The following ECHDC1 variants were observed in gnomAD, a reference collection of about 807,000 sequenced individuals.
ECHDC1 encodes ethylmalonyl-CoA decarboxylase.
A neutral mutation model predicts 29.7 loss-of-function variants in ECHDC1; 29 were observed. The observed-to-expected ratio is 0.98, with a 90% CI of 0.73 to 1.33. The LOEUF (loss-of-function observed/expected upper bound fraction) is 1.33. ECHDC1 is among the 40% of genes most tolerant of loss of function. The probability of loss-of-function intolerance (pLI) is 0.00; values close to 1 mark genes in which losing one functional copy is unlikely to be tolerated. For synonymous variants in ECHDC1, 126 were observed against 123.1 expected (o/e 1.02, Z -0.15); for missense variants, 328 against 350.0 (o/e 0.94, Z 0.50).
At chr6:127,305,464 A>G (rs760063527) in intron 5 of ECHDC1, among the ~76,000 whole-genome samples, 6 of 152,330 alleles carry the variant, frequency 3.9e-5, no homozygotes, top group Non-Finnish European at 8.8e-5. Flanking sequence ...TCAATGAGCC[A>G]TAAGAAATCA....
In ECHDC1 at chr6:127,302,615, G is replaced by C. The variant is rs185638766; in HGVS notation, c.497+12201C>G. ...GGTTTTCACCAAGTTGGCCAGGCTG[G>C]TCTCGAACTCCTGACCTCAGGTGAT... On this transcript the variant is annotated intron_variant, in intron 5 of 5. Coordinates refer to ENST00000454859, the MANE Select transcript of ECHDC1 (RefSeq NM_001002030.2). Among the ~76,000 whole-genome samples, 1,133 of 152,070 alleles carry C rather than the reference G, an allele frequency of 7.5e-3. 19 individuals are homozygous for C. Among genetic ancestry groups the C allele is most frequent in the South Asian group, 0.054 (260 of 4,816 alleles).
At chr6:127,326,187 G>A (rs182329467) in intron 3 of ECHDC1, among the ~76,000 whole-genome samples, 129 of 152,192 alleles carry the variant, frequency 8.5e-4, no homozygotes, top group African/African-American at 2.9e-3. Context: ...TGGATCATCG[G>A]GGTGGATTTC....
At chr6:127,300,294 C>T (rs560493606) in intron 5 of ECHDC1, among the ~76,000 whole-genome samples, 43 of 152,188 alleles carry the variant, frequency 2.8e-4, no homozygotes, top group Non-Finnish European at 4.3e-4. Context: ...CAATTAAATT[C>T]CCTATGCCAA....
At position 127,333,391 on chromosome 6, in the gene ECHDC1, TTATC is replaced by T. The variant is rs1252705670; in HGVS notation, c.-2-2365_-2-2362del. Among the ~76,000 whole-genome samples, 6 of 152,272 alleles carry T rather than the reference TTATC, an allele frequency of 3.9e-5. No individual in the cohort carries two copies. The East Asian group carries it at 1.2e-3, about 29-fold the overall frequency. ...ACATATTATATAAATATACCACAAT[TTATC>T]TATTCTAATCTTAATAGACATTTGG... On this transcript the variant is annotated intron_variant, in intron 1 of 5. Transcript: ENST00000454859.
chr6:127,342,408 A>G (rs1458974660), intron 1 of ECHDC1: 7 of 1,542,716 alleles, frequency 4.5e-6, no homozygotes, highest in Admixed American at 2.0e-5. Flanking sequence ...CTGGAATGTT[A>G]ATCATTGCAG....
At chr6:127,292,654 T>C (rs1780293286) in intron 5 of ECHDC1, among the ~76,000 whole-genome samples, 1 of 152,032 alleles carries the variant, frequency 6.6e-6, no homozygotes, top group East Asian at 1.9e-4. Context: ...AGTTTAAATA[T>C]AAAATTTAAA....
intron 1 of ECHDC1, among the ~76,000 whole-genome samples, chr6:127,340,859 G>C (rs1028706605): frequency 2.5e-4 from 38 of 152,194 alleles, no homozygotes; most frequent in Middle Eastern, 3.4e-3. Flanking sequence ...TGGGAAAGTA[G>C]AATCAGTAAA....
chr6:127,330,023 G>A (rs374207761), intron 2 of ECHDC1: 12 of 288,902 alleles, frequency 4.2e-5, no homozygotes, highest in African/African-American at 2.0e-4. Context: ...GATTTTCTGA[G>A]CCTCAAATTT....
Position 127,314,020 on chromosome 6 carries a change from G to C in ECHDC1, c.497+796C>G, listed in dbSNP as rs540133474. On this transcript the variant is annotated intron_variant, in intron 5 of 5. Coordinates refer to ENST00000454859, the MANE Select transcript of ECHDC1 (RefSeq NM_001002030.2). ...AGTGTCAAACTGGGATTCAGCCTAG[G>C]TCTACTAGACGTCAGTGCTCAGGCT... Among the ~76,000 whole-genome samples the C allele has an allele frequency of 4.7e-4, 71 of 152,220 alleles. 1 individual carries two copies. In the South Asian group the frequency reaches 0.014, roughly 30 times the overall value.
chr6:127,305,847 ACT>A (rs1781396532), intron 5 of ECHDC1, among the ~76,000 whole-genome samples: 1 of 152,072 alleles, frequency 6.6e-6, no homozygotes, highest in African/African-American at 2.4e-5. Flanking sequence ...AAATCAAATC[ACT>A]GAGAACATCA....
rs765966800 is a variant in ECHDC1 at position 127,289,851 on chromosome 6, A to C, written c.*18T>G. 2 of 1,594,268 alleles carry C rather than the reference A, an allele frequency of 1.3e-6. No individual in the cohort carries two copies. The highest frequency in any genetic ancestry group is 1.7e-6 in the Non-Finnish European group (2 of 1,170,920). Reference sequence around the variant, plus strand: ...GTCACTGGAGCTTTACTTGGAGTACATCCACACGAAAAACCAATTATTTAT... The same window carrying C: ...GTCACTGGAGCTTTACTTGGAGTACCTCCACACGAAAAACCAATTATTTAT... On this transcript the variant is annotated 3_prime_UTR_variant, in exon 6 of 6. Coordinates refer to ENST00000454859, the MANE Select transcript of ECHDC1 (RefSeq NM_001002030.2).
chr6:127,289,639 G>A lies in ECHDC1; in HGVS notation c.*230C>T. 4.6e-6 allele frequency: 2 copies of A among 439,216 alleles called. No individual in the cohort carries two copies. Among genetic ancestry groups the A allele is most frequent in the Non-Finnish European group, 8.0e-6 (2 of 251,142 alleles). The allele number at this position is 439,216 out of a possible 1,614,324, so 27.2% of individuals were successfully genotyped here. The stretch of plus-strand genomic sequence containing the variant: ...TGGAATTGACAGCAATAATTTTTAA[G>A]CCAAAAGTGTATATTTTAGCTAAAT... On this transcript the variant is annotated 3_prime_UTR_variant, in exon 6 of 6. Transcript: ENST00000454859.
intron 1 of ECHDC1, among the ~76,000 whole-genome samples, chr6:127,332,601 G>A (rs1784061285): frequency 6.6e-6 from 1 of 152,076 alleles, no homozygotes; most frequent in Non-Finnish European, 1.5e-5. Context: ...GTGGATGTAG[G>A]GGAGTTCTTC....
chr6:127,323,641 T>G (rs777406653), intron 3 of ECHDC1, among the ~76,000 whole-genome samples: 5 of 152,150 alleles, frequency 3.3e-5, no homozygotes, highest in Non-Finnish European at 5.9e-5. Flanking sequence ...TGAAACCAGC[T>G]TTCAAATCCA....
At chr6:127,328,014 G>A (rs1484062342) in intron 2 of ECHDC1, among the ~76,000 whole-genome samples, 1 of 152,174 alleles carries the variant, frequency 6.6e-6, no homozygotes, top group African/African-American at 2.4e-5. Context: ...GGTTAAAACT[G>A]GCAAAAAATT....
intron 1 of ECHDC1, among the ~76,000 whole-genome samples, chr6:127,334,465 A>T (rs1171875877): frequency 6.6e-6 from 1 of 152,130 alleles, no homozygotes; most frequent in Admixed American, 6.6e-5. Flanking sequence ...TACAACAGTC[A>T]CCAGTTAGTA....
chr6:127,309,520 C>T (rs1781720253), intron 5 of ECHDC1, among the ~76,000 whole-genome samples: 1 of 58,580 alleles, frequency 1.7e-5, no homozygotes, highest in African/African-American at 4.7e-5. Context: ...CACACACACA[C>T]ACACACACAC....
chr6:127,333,970 G>T (rs1784202788), intron 1 of ECHDC1, among the ~76,000 whole-genome samples: 1 of 151,944 alleles, frequency 6.6e-6, no homozygotes. Context: ...TTGGTCATTT[G>T]CATATCATCT....
Position 127,289,984 on chromosome 6 carries a change from C to T in ECHDC1, c.791G>A (p.Gly264Asp). The T allele has an allele frequency of 3.1e-6, 5 of 1,613,682 alleles. No individual in the cohort carries two copies. The highest frequency in any genetic ancestry group is 4.2e-6 in the Non-Finnish European group (5 of 1,179,744). Reference protein sequence around the residue: ...IRALKKSVCSGRELYLEEALQ... With the variant: ...IRALKKSVCSDRELYLEEALQ... ...TGCTTCCTCCAAATATAGCTCTCTG[C>T]CTGAACAAACAGATTTTTTCAAAGC... The change falls in exon 6 of 6, where the codon GGC (glycine) becomes GAC (aspartate). Residue 264 changes from glycine (G) to aspartate (D), a missense_variant. By Grantham distance (94) the Gly-to-Asp change is moderately conservative. Transcript: ENST00000454859.
Sources: allele counts gnomAD v4.1 joint callset (sites outside exome capture counted in the v4.1 genomes callset), GRCh38; gene constraint gnomAD v4.1.1; transcripts MANE v1.5; gene names NCBI Gene and HGNC (gene_info 2026-07-23, HGNC 2026-07-21).